FRMPD4: variants seen among roughly 807,000 people sequenced by gnomAD.
FRMPD4 encodes FERM and PDZ domain-containing protein 4.
A neutral mutation model predicts 94.1 loss-of-function variants in FRMPD4; 22 were observed. That is an observed-to-expected ratio of 0.23 (90% confidence interval 0.17 to 0.33). FRMPD4 has a LOEUF of 0.33. Ranked by LOEUF, FRMPD4 falls within the 10% of genes least tolerant of loss-of-function variation. The probability of loss-of-function intolerance (pLI) is 1.00; values close to 1 mark genes in which losing one functional copy is unlikely to be tolerated. For missense variants in FRMPD4, 1,111 were observed against 1,339.9 expected (o/e 0.83, Z 2.67); for synonymous variants, 631 against 548.6 (o/e 1.15, Z -2.10).
chrX:12,696,280 A>G (rs1012665050), intron 9 of FRMPD4, among the ~76,000 whole-genome samples: 1 of 111,845 alleles, frequency 8.9e-6, no homozygotes, highest in African/African-American at 3.3e-5. Flanking sequence ...CCAGACTGAT[A>G]TCTGATTCTG....
chrX:12,077,928 A>G (rs1024087761), intron 3 of FRMPD4, among the ~76,000 whole-genome samples: 1 of 112,067 alleles, frequency 8.9e-6, no homozygotes, highest in African/African-American at 3.2e-5. Flanking sequence ...AACACACATT[A>G]TTTTACAGTT....
chrX:12,720,457 A>T (rs200459527), intron 16 of FRMPD4, 77 bp from the exon 17 acceptor site: 110 of 998,009 alleles, frequency 1.1e-4, no homozygotes, highest in Middle Eastern at 1.1e-3. Flanking sequence ...GACAGACATC[A>T]TGTAGAGATG....
At chrX:12,692,216 A>G (rs763510368) in intron 8 of FRMPD4, among the ~76,000 whole-genome samples, 4 of 112,436 alleles carry the variant, frequency 3.6e-5, no homozygotes, top group Non-Finnish European at 7.5e-5. Context: ...GGAAGGAAAT[A>G]AACTTCTAAT....
intron 1 of FRMPD4, among the ~76,000 whole-genome samples, chrX:11,822,762 G>A (rs977361429): frequency 8.9e-6 from 1 of 111,854 alleles, no homozygotes; most frequent in Non-Finnish European, 1.9e-5. Context: ...AAATTTGTGG[G>A]GAGGCCAATC....
intron 1 of FRMPD4, among the ~76,000 whole-genome samples, chrX:12,351,480 A>G (rs1038738762): frequency 8.9e-5 from 10 of 112,398 alleles, no homozygotes; most frequent in Non-Finnish European, 1.5e-4. Flanking sequence ...TCATTTCAAA[A>G]AAATATGGAA....
intron 1 of FRMPD4, among the ~76,000 whole-genome samples, chrX:12,474,965 G>A (rs749404845): frequency 8.9e-6 from 1 of 111,737 alleles, no homozygotes; most frequent in Admixed American, 9.5e-5. Flanking sequence ...CATTTTATGA[G>A]GCCAGCATCA....
At chrX:12,128,886 A>C (rs2055523685) in intron 3 of FRMPD4, among the ~76,000 whole-genome samples, 1 of 111,946 alleles carries the variant, frequency 8.9e-6, no homozygotes, top group East Asian at 2.8e-4. Context: ...TTTCTTTGCT[A>C]TAGCATAGCA....
chrX:11,841,142 A>T (rs768097373), intron 1 of FRMPD4, among the ~76,000 whole-genome samples: 40 of 108,744 alleles, frequency 3.7e-4, no homozygotes, highest in African/African-American at 1.1e-3. Flanking sequence ...AATCCAGTCT[A>T]TCATTGTTGG....
At chrX:12,462,996 C>A (rs936975549) in intron 1 of FRMPD4, among the ~76,000 whole-genome samples, 2 of 111,784 alleles carry the variant, frequency 1.8e-5, no homozygotes, top group African/African-American at 6.5e-5. Flanking sequence ...CTTAAAAAAT[C>A]AAATTGCTGT....
At chrX:12,339,619 ATT>A (rs767456295) in intron 1 of FRMPD4, among the ~76,000 whole-genome samples, 4 of 101,836 alleles carry the variant, frequency 3.9e-5, no homozygotes, top group Admixed American at 1.1e-4. Flanking sequence ...AGTTTAATGA[ATT>A]TTTTTTTTTT....
chrX:12,299,031 A>G, intron 1 of FRMPD4, among the ~76,000 whole-genome samples: 1 of 112,139 alleles, frequency 8.9e-6, no homozygotes, highest in Non-Finnish European at 1.9e-5. Flanking sequence ...GGAAATAAAC[A>G]TCTAAGAATA....
At chrX:12,219,676 G>A (rs1042912141) in intron 1 of FRMPD4, among the ~76,000 whole-genome samples, 9 of 111,979 alleles carry the variant, frequency 8.0e-5, no homozygotes, top group Non-Finnish European at 1.7e-4. Context: ...AATGTTTTAT[G>A]TACCATACTT....
intron 7 of FRMPD4, 94 bp from the exon 8 acceptor site, chrX:12,690,101 G>A (rs2060065541): frequency 5.0e-6 from 3 of 597,031 alleles, no homozygotes; most frequent in South Asian, 4.5e-5. Flanking sequence ...TTCAAGATTG[G>A]CAGCCTACAT....
intron 5 of FRMPD4, among the ~76,000 whole-genome samples, chrX:12,676,413 G>A (rs186887283): frequency 2.3e-3 from 260 of 112,872 alleles, no homozygotes; most frequent in African/African-American, 7.5e-3. Context: ...TCTATAATAA[G>A]CATCGAACAA....
At chrX:12,627,232 C>G (rs975429855) in intron 4 of FRMPD4, among the ~76,000 whole-genome samples, 1 of 112,036 alleles carries the variant, frequency 8.9e-6, no homozygotes, top group African/African-American at 3.2e-5. Flanking sequence ...GCCGAGATCA[C>G]GCCATTGCAC....
At chrX:12,557,960 G>T (rs1046743519) in intron 2 of FRMPD4, among the ~76,000 whole-genome samples, 2 of 112,236 alleles carry the variant, frequency 1.8e-5, no homozygotes, top group African/African-American at 3.2e-5. Flanking sequence ...GGCATCTTTT[G>T]CCAATTTTGG....
intron 3 of FRMPD4, among the ~76,000 whole-genome samples, chrX:12,011,503 T>C (rs901950310): frequency 8.9e-6 from 1 of 112,129 alleles, no homozygotes; most frequent in Non-Finnish European, 1.9e-5. Context: ...ATGCAGATAA[T>C]AGAAGATTTT....
chrX:12,631,803 T>TA (rs1320995504), intron 4 of FRMPD4, among the ~76,000 whole-genome samples: 1 of 112,414 alleles, frequency 8.9e-6, no homozygotes, highest in Non-Finnish European at 1.9e-5. Flanking sequence ...TCACTTTTAC[T>TA]AACCTCTGGG....
intron 2 of FRMPD4, among the ~76,000 whole-genome samples, chrX:12,530,736 C>A (rs1414195448): frequency 9.0e-6 from 1 of 111,474 alleles, no homozygotes; most frequent in African/African-American, 3.3e-5. Context: ...GAATAGAAGT[C>A]TCTTAAAAGA....
Sources: gnomAD v4.1 joint callset for allele counts (sites outside exome capture counted in the v4.1 genomes callset) on GRCh38, gnomAD v4.1.1 for gene constraint, MANE v1.5 for transcripts, NCBI Gene and HGNC (gene_info 2026-07-23, HGNC 2026-07-21) for gene names.